SCD5: variants seen among roughly 807,000 people sequenced by gnomAD.
SCD5 encodes stearoyl-CoA desaturase 5.
Under a neutral mutation model 30.4 loss-of-function variants are expected in SCD5, and 20 were observed. The ratio of observed to expected loss-of-function variants is 0.66; its 90% CI spans 0.46 to 0.96. The LOEUF is 0.96. Among genes scored for constraint, SCD5 ranks in the 40% least tolerant of loss-of-function variants. The pLI is 0.00. For synonymous variants in SCD5, 173 were observed against 176.4 expected (o/e 0.98, Z 0.16); for missense variants, 381 against 443.3 (o/e 0.86, Z 1.26).
At chr4:82,684,226 T>C (rs1264206834) in intron 2 of SCD5, among the ~76,000 whole-genome samples, 1 of 152,194 alleles carries the variant, frequency 6.6e-6, no homozygotes, top group African/African-American at 2.4e-5. Context: ...ATGAAGCACA[T>C]TCCAAATAAT....
At position 82,705,363 on chromosome 4, in the gene SCD5, G is replaced by T. The variant is rs374367779; in HGVS notation, c.283C>A (p.Arg95Ser). The change falls in exon 2 of 5, where the codon CGC becomes AGC. Residue 95 changes from arginine to serine, a missense_variant. Transcript: ENST00000319540. ...CGGTAGGACCTGTGGCTCCACAAGCGATGGGCACCAGCTGTCACACCCAGA... is the reference window on the plus strand; with the variant it reads ...CGGTAGGACCTGTGGCTCCACAAGCTATGGGCACCAGCTGTCACACCCAGA... ...AALGVTAGAH[R>S]LWSHRSYRAK... 2.5e-6 allele frequency: 4 copies of T among 1,614,218 alleles called. No individual in the cohort carries two copies. The highest frequency in any genetic ancestry group is 2.2e-5 in the East Asian group (1 of 44,876).
chr4:82,734,411 T>C (rs1720704241), intron 1 of SCD5, among the ~76,000 whole-genome samples: 1 of 152,200 alleles, frequency 6.6e-6, no homozygotes, highest in African/African-American at 2.4e-5. Context: ...AAGCTCTTGG[T>C]AATCACACTT....
At chr4:82,759,192 G>A (rs965494589) in intron 1 of SCD5, among the ~76,000 whole-genome samples, 27 of 152,316 alleles carry the variant, frequency 1.8e-4, no homozygotes, top group Middle Eastern at 3.4e-3. Context: ...TGACAGCAGG[G>A]AATTGAGTTC....
intron 3 of SCD5, among the ~76,000 whole-genome samples, chr4:82,665,522 A>C (rs1728167339): frequency 6.6e-6 from 1 of 152,142 alleles, no homozygotes; most frequent in Non-Finnish European, 1.5e-5. Flanking sequence ...AAATTATGTA[A>C]GGCATAAGAC....
intron 1 of SCD5, among the ~76,000 whole-genome samples, chr4:82,755,811 T>C (rs935631725): frequency 5.3e-5 from 8 of 152,216 alleles, no homozygotes; most frequent in African/African-American, 1.7e-4. Context: ...AAATGCATGA[T>C]ACCATGTTGA....
chr4:82,747,036 T>TGG (rs58290846), intron 1 of SCD5, among the ~76,000 whole-genome samples: 1 of 148,858 alleles, frequency 6.7e-6, no homozygotes, highest in Non-Finnish European at 1.5e-5. Context: ...GGAGTTCGGT[T>TGG]GGGGGGCAGT....
chr4:82,700,787 T>TAAAAAAA (rs70938305), intron 2 of SCD5, among the ~76,000 whole-genome samples: 1 of 63,774 alleles, frequency 1.6e-5, no homozygotes, highest in Non-Finnish European at 3.1e-5. Context: ...ACCCTGTCTC[T>TAAAAAAA]AAAAAAAAAA....
At chr4:82,688,287 T>A (rs1440492867) in intron 2 of SCD5, among the ~76,000 whole-genome samples, 1 of 152,174 alleles carries the variant, frequency 6.6e-6, no homozygotes, top group East Asian at 1.9e-4. Flanking sequence ...TGCATGCATG[T>A]ACATGTGCAT....
At chr4:82,637,997 T>C (rs1727468151) in intron 3 of SCD5, among the ~76,000 whole-genome samples, 1 of 152,234 alleles carries the variant, frequency 6.6e-6, no homozygotes, top group African/African-American at 2.4e-5. Flanking sequence ...TGCTTTCCCC[T>C]CCCTGCCCCA....
intron 1 of SCD5, among the ~76,000 whole-genome samples, chr4:82,772,270 G>A (rs143300737): frequency 5.3e-5 from 8 of 152,314 alleles, no homozygotes; most frequent in African/African-American, 1.4e-4. Context: ...TTGTCCATGC[G>A]TCACTACATC....
intron 2 of SCD5, among the ~76,000 whole-genome samples, chr4:82,694,654 A>C (rs1719656714): frequency 6.7e-6 from 1 of 149,236 alleles, no homozygotes; most frequent in Non-Finnish European, 1.5e-5. Flanking sequence ...TGAATCAATA[A>C]CTCTGCAGAT....
In SCD5 at chr4:82,791,138, T is replaced by C. The variant is rs1245349129; in HGVS notation, c.232+7168A>G. ...CTGTAGTCCCAGCTACTCAGGAGGC[T>C]GAGGCAGGAGAATCGCTTGAACCCG... On this transcript the variant is annotated intron_variant, in intron 1 of 4. Coordinates refer to ENST00000319540, the MANE Select transcript of SCD5 (RefSeq NM_001037582.3). Among the ~76,000 whole-genome samples, 3 of 152,026 alleles carry C rather than the reference T, an allele frequency of 2.0e-5. No homozygotes were observed. The South Asian group carries it at 6.2e-4, about 32-fold the overall frequency.
Position 82,707,250 on chromosome 4 carries a change from T to C in SCD5, c.233-1837A>G, listed in dbSNP as rs181537634. On this transcript the variant is annotated intron_variant, in intron 1 of 4. Transcript: ENST00000319540. ...CTCACAGAGAAAGGTGCTAAATCAA[T>C]AGAAACCAGAATCACAAAATGACAG... is the stretch of plus-strand genomic sequence containing the variant. Among the ~76,000 whole-genome samples, 62 of 152,294 alleles carry C rather than the reference T, an allele frequency of 4.1e-4. 2 individuals are homozygous for C. Among genetic ancestry groups the C allele is most frequent in the Admixed American group, 3.1e-3 (48 of 15,300 alleles).
At chr4:82,672,637 T>C (rs1162604568) in intron 3 of SCD5, among the ~76,000 whole-genome samples, 3 of 152,082 alleles carry the variant, frequency 2.0e-5, no homozygotes, top group African/African-American at 7.2e-5. Flanking sequence ...ACTGGTATAA[T>C]TTCTAAAAGA....
rs114632404 is a variant in SCD5, at chr4:82,769,739, T to C, written c.232+28567A>G. Among the ~76,000 whole-genome samples, 1,137 of 152,256 alleles carry C rather than the reference T, an allele frequency of 7.5e-3. 15 individuals carry two copies. Among genetic ancestry groups the C allele is most frequent in the African/African-American group, 0.026 (1,094 of 41,542 alleles). On this transcript the variant is annotated intron_variant, in intron 1 of 4. Transcript: ENST00000319540. ...TATTTAATGGTAAAGGGTCCCAATG[T>C]CTCTGACTTACTCTGAATGGCTTAA...
intron 2 of SCD5, among the ~76,000 whole-genome samples, chr4:82,692,897 G>A (rs1485855045): frequency 3.3e-5 from 5 of 152,220 alleles, no homozygotes; most frequent in South Asian, 2.1e-4. Flanking sequence ...GCTTCCCTGA[G>A]GGAGAGGCTG....
intron 1 of SCD5, among the ~76,000 whole-genome samples, chr4:82,713,387 G>A (rs1466198839): frequency 3.3e-5 from 5 of 152,126 alleles, no homozygotes; most frequent in East Asian, 1.9e-4. Context: ...TATAGCATAC[G>A]TTGTTACTAC....
At chr4:82,710,196 T>A (rs538978387) in intron 1 of SCD5, among the ~76,000 whole-genome samples, 1 of 152,292 alleles carries the variant, frequency 6.6e-6, no homozygotes, top group East Asian at 1.9e-4. Context: ...ATGATTCTGA[T>A]GCAAAACCAG....
intron 2 of SCD5, among the ~76,000 whole-genome samples, chr4:82,686,323 T>C (rs1223235525): frequency 7.9e-5 from 12 of 152,212 alleles, no homozygotes; most frequent in Non-Finnish European, 1.5e-5. Context: ...CGCTTTTCAA[T>C]GTGTGCATTA....
Sources: allele counts gnomAD v4.1 joint callset (sites outside exome capture counted in the v4.1 genomes callset), GRCh38; gene constraint gnomAD v4.1.1; transcripts MANE v1.5; gene names NCBI Gene and HGNC (gene_info 2026-07-23, HGNC 2026-07-21).